The following SMOC2 variants were observed in gnomAD, a reference collection of about 807,000 sequenced individuals.
SMOC2 encodes the protein SPARC-related modular calcium-binding protein 2.
Under a neutral mutation model 61.4 loss-of-function variants are expected in SMOC2, and 39 were observed. That is an observed-to-expected ratio of 0.64 (90% CI 0.49 to 0.83). The LOEUF is 0.83. SMOC2 is among the 40% of genes least tolerant of loss of function. SMOC2 has a pLI of 0.00. For synonymous variants in SMOC2, 247 were observed against 239.9 expected (o/e 1.03, Z -0.27); for missense variants, 556 against 592.9 (o/e 0.94, Z 0.65).
intron 12 of SMOC2, 27 bp from the exon 13 acceptor site, chr6:168,666,394 G>A (rs766873726): frequency 3.7e-6 from 6 of 1,613,634 alleles, no homozygotes; most frequent in Non-Finnish European, 8.5e-7. Flanking sequence ...TGAATATAAT[G>A]TCTCTTTTTT....
chr6:168,540,542 G>T (rs1175269815), intron 4 of SMOC2, among the ~76,000 whole-genome samples: 1 of 146,396 alleles, frequency 6.8e-6, no homozygotes, highest in African/African-American at 2.8e-5. Flanking sequence ...TGGTGAAGGT[G>T]CCTGGCCAGG....
intron 7 of SMOC2, among the ~76,000 whole-genome samples, chr6:168,582,903 T>G (rs1396934575): frequency 6.6e-6 from 1 of 152,144 alleles, no homozygotes; most frequent in Non-Finnish European, 1.5e-5. Context: ...GAACCCACTC[T>G]TTCCACATGG....
intron 1 of SMOC2, among the ~76,000 whole-genome samples, chr6:168,508,208 G>A (rs925614077): frequency 6.6e-6 from 1 of 152,188 alleles, no homozygotes; most frequent in Non-Finnish European, 1.5e-5. Flanking sequence ...TTTAAAAAAT[G>A]TATGAGTAAC....
At chr6:168,536,025 C>G (rs1783724607) in intron 4 of SMOC2, among the ~76,000 whole-genome samples, 1 of 152,250 alleles carries the variant, frequency 6.6e-6, no homozygotes, top group Non-Finnish European at 1.5e-5. Flanking sequence ...ACGTGCCAAC[C>G]TCACTCGGAG....
rs747584926 is a variant in SMOC2 at position 168,599,006 on chromosome 6, T to G, written c.824+2T>G. On this transcript the variant is annotated splice_donor_variant, in intron 8 of 12. Coordinates refer to ENST00000356284, the MANE Select transcript of SMOC2 (RefSeq NM_001166412.2). LOFTEE classifies it high-confidence loss of function. ...CCCCATTCCCGGCACATCCACAAGG[T>G]AAATAGGGTGCACCCACCCCCCCCG... is the stretch of plus-strand genomic sequence containing the variant. 1.3e-6 allele frequency: 2 copies of G among 1,590,644 alleles called. No homozygotes were observed. Among genetic ancestry groups the G allele is most frequent in the Non-Finnish European group, 1.7e-6 (2 of 1,168,020 alleles).
At chr6:168,585,602 A>G (rs896154680) in intron 7 of SMOC2, among the ~76,000 whole-genome samples, 2 of 152,334 alleles carry the variant, frequency 1.3e-5, no homozygotes, top group East Asian at 1.9e-4. Flanking sequence ...GAGTAGCCCC[A>G]GCATTTCACA....
At chr6:168,599,026 C>A (rs201808574) in intron 8 of SMOC2, 22 bp downstream of exon 8, 798 of 1,552,798 alleles carry the variant, frequency 5.1e-4, no homozygotes, top group Admixed American at 1.2e-3. Context: ...GCACCCACCC[C>A]CCCCGGGACC....
At chr6:168,573,604 C>T (rs1231871769) in intron 7 of SMOC2, among the ~76,000 whole-genome samples, 1 of 152,114 alleles carries the variant, frequency 6.6e-6, no homozygotes, top group Non-Finnish European at 1.5e-5. Flanking sequence ...AGGCAGCGAG[C>T]GCCTGCGACA....
chr6:168,552,659 G>T (rs1251752724), intron 7 of SMOC2, among the ~76,000 whole-genome samples: 1 of 152,160 alleles, frequency 6.6e-6, no homozygotes, highest in African/African-American at 2.4e-5. Context: ...TTTTAAAAGG[G>T]ACTATTTTTA....
At chr6:168,469,547 A>G (rs948563621) in intron 1 of SMOC2, among the ~76,000 whole-genome samples, 14 of 152,206 alleles carry the variant, frequency 9.2e-5, no homozygotes, top group Non-Finnish European at 1.8e-4. Flanking sequence ...CTGTTCGTAA[A>G]TGGTGTCCTG....
intron 9 of SMOC2, among the ~76,000 whole-genome samples, chr6:168,610,450 G>C (rs1206730253): frequency 6.6e-6 from 1 of 152,210 alleles, no homozygotes; most frequent in Non-Finnish European, 1.5e-5. Flanking sequence ...CAGGATAGAG[G>C]CTGTTCCTGG....
chr6:168,611,722 G>A (rs1223922542), intron 9 of SMOC2, among the ~76,000 whole-genome samples: 1 of 150,882 alleles, frequency 6.6e-6, no homozygotes, highest in African/African-American at 2.4e-5. Flanking sequence ...TGGCTCCCGT[G>A]TCGGGCCTGG....
intron 7 of SMOC2, among the ~76,000 whole-genome samples, chr6:168,550,384 T>G (rs1784103357): frequency 6.6e-6 from 1 of 152,180 alleles, no homozygotes. Flanking sequence ...TAAGAGTGGT[T>G]CGATTCCCCC....
chr6:168,661,736 A>C (rs1331750911), intron 11 of SMOC2, among the ~76,000 whole-genome samples: 1 of 152,374 alleles, frequency 6.6e-6, no homozygotes, highest in East Asian at 1.9e-4. Context: ...ATACAAAAAA[A>C]ACTGGCAATT....
At chr6:168,473,590 G>C (rs1199986940) in intron 1 of SMOC2, among the ~76,000 whole-genome samples, 2 of 152,106 alleles carry the variant, frequency 1.3e-5, no homozygotes, top group African/African-American at 2.4e-5. Flanking sequence ...TTTTGGAAGC[G>C]CATTGAACTC....
At chr6:168,466,150 G>A in intron 1 of SMOC2, among the ~76,000 whole-genome samples, 1 of 151,672 alleles carries the variant, frequency 6.6e-6, no homozygotes, top group East Asian at 1.9e-4. Context: ...GCTGGAACTG[G>A]GAGGCTCTGG....
chr6:168,626,449 T>C (rs913219326), intron 9 of SMOC2, among the ~76,000 whole-genome samples: 1 of 152,222 alleles, frequency 6.6e-6, no homozygotes, highest in Non-Finnish European at 1.5e-5. Flanking sequence ...CATTTTTCTC[T>C]ATGTTTTATG....
intron 9 of SMOC2, among the ~76,000 whole-genome samples, chr6:168,622,374 A>C (rs577467840): frequency 1.3e-5 from 2 of 151,950 alleles, no homozygotes; most frequent in Non-Finnish European, 2.9e-5. Context: ...AGGCTGCCGG[A>C]TTCATGAATT....
intron 1 of SMOC2, among the ~76,000 whole-genome samples, chr6:168,504,977 T>C (rs967956397): frequency 1.3e-5 from 2 of 152,026 alleles, no homozygotes; most frequent in Non-Finnish European, 2.9e-5. Flanking sequence ...ACATATAAAG[T>C]GGTGCAGCTA....
Sources: gnomAD v4.1 joint callset for allele counts (sites outside exome capture counted in the v4.1 genomes callset) on GRCh38, gnomAD v4.1.1 for gene constraint, MANE v1.5 for transcripts, NCBI Gene and HGNC (gene_info 2026-07-23, HGNC 2026-07-21) for gene names.